Variants in STOML2 observed in about 807,000 individuals in gnomAD.
STOML2 encodes the protein stomatin-like protein 2, mitochondrial.
Under a neutral mutation model 45.7 loss-of-function variants are expected in STOML2, and 22 were observed. That is an observed-to-expected ratio of 0.48 (90% CI 0.34 to 0.69). The LOEUF (loss-of-function observed/expected upper bound fraction) is 0.69, where lower values mean the gene tolerates loss of function less well. Among genes scored for constraint, STOML2 ranks in the 30% least tolerant of loss-of-function variants. STOML2 has a pLI of 0.01. For missense variants in STOML2, 359 were observed against 466.9 expected (o/e 0.77, Z 2.13); for synonymous variants, 181 against 182.7 (o/e 0.99, Z 0.08).
Position 35,102,043 on chromosome 9 carries a change from G to A in STOML2, c.283+52C>T. The stretch of plus-strand genomic sequence containing the variant: ...CTTTCTACTAAGCTCTGGATCTACA[G>A]CAACCACATCCTAATAGCCTCAGAG... On this transcript the variant is annotated intron_variant, in intron 3 of 9. Transcript: ENST00000356493. This position sits in a 1 kb window ranked among gnomAD's most constrained non-coding sequence, Gnocchi z 4.8. 2 of 1,612,396 alleles carry A rather than the reference G, an allele frequency of 1.2e-6. No individual in the cohort carries two copies. The highest frequency in any genetic ancestry group is 2.2e-5 in the East Asian group (1 of 44,864).
chr9:35,101,186 G>A lies in STOML2; in HGVS notation c.673C>T (p.Gln225Ter). The A allele has an allele frequency of 6.2e-7, 1 of 1,614,190 alleles. No homozygotes were observed. ...INVAEGKKQAQILASEAEKAE... is the reference protein window; with the variant it reads ...INVAEGKKQA ...TTTTCTGCTTCGGAGGCCAGGATCT[G>A]GGCCTGTTTCTTCCCTTCTGCCACA... The change falls in exon 7 of 10, where the codon CAG (glutamine) becomes TAG (stop). Residue 225 changes from glutamine (Q) to a stop codon, truncating the protein, a stop_gained. Transcript: ENST00000356493. LOFTEE classifies it high-confidence loss of function. This position sits in a 1 kb window ranked among gnomAD's most constrained non-coding sequence, Gnocchi z 4.3.
rs1044464699 is a variant in STOML2, at chr9:35,101,372, C to T, written c.579+54G>A. Reference sequence around the variant, plus strand: ...TCATAACAGGAGGGAAGTCTGGATCCTCCTGGTACTGGAGCACCCTGAGGC... The same window carrying T: ...TCATAACAGGAGGGAAGTCTGGATCTTCCTGGTACTGGAGCACCCTGAGGC... On this transcript the variant is annotated intron_variant, in intron 6 of 9. Coordinates refer to ENST00000356493, the MANE Select transcript of STOML2 (RefSeq NM_013442.3). The surrounding 1 kb of genome is among the most constrained non-coding windows in gnomAD (Gnocchi z 4.3). 7 of 1,563,414 alleles carry T rather than the reference C, an allele frequency of 4.5e-6. No individual in the cohort carries two copies. The highest frequency in any genetic ancestry group is 6.1e-6 in the Non-Finnish European group (7 of 1,154,040).
At position 35,103,111 on chromosome 9, in the gene STOML2, G is replaced by C. The variant is rs370750364; in HGVS notation, c.-17C>G. The C allele has an allele frequency of 2.5e-6, 4 of 1,612,562 alleles. No individual in the cohort carries two copies. The highest frequency in any genetic ancestry group is 4.5e-5 in the East Asian group (2 of 44,864). ...CGCCAGCATTTCCCACCGCCGCAGC[G>C]ACCTCCGGAACCAACGAGACGAGCG... On this transcript the variant is annotated 5_prime_UTR_variant, in exon 1 of 10. Coordinates refer to ENST00000356493, the MANE Select transcript of STOML2 (RefSeq NM_013442.3).
At position 35,102,705 on chromosome 9, in the gene STOML2, A is replaced by C. The variant is rs1455212823; in HGVS notation, c.164T>G (p.Phe55Cys). The C allele has an allele frequency of 6.2e-6, 10 of 1,612,954 alleles. No homozygotes were observed. The highest frequency in any genetic ancestry group is 8.5e-6 in the Non-Finnish European group (10 of 1,180,014). The change falls in exon 2 of 10, where the codon TTC (phenylalanine) becomes TGC (cysteine). Residue 55 changes from phenylalanine (F) to cysteine (C), a missense_variant. Physicochemically the swap from Phe to Cys is radical, Grantham distance 205 (BLOSUM62 -2). Transcript: ENST00000356493. The surrounding 1 kb of genome is among the most constrained non-coding windows in gnomAD (Gnocchi z 4.8). ...EAWVVERMGR[F>C]HRILEPGLNI... Reference sequence around the variant, plus strand: ...TCTCACAGGCTCCAGGATCCGGTGGAATCGGCCCATTCGCTCCACCACCCA... The same window carrying C: ...TCTCACAGGCTCCAGGATCCGGTGGCATCGGCCCATTCGCTCCACCACCCA...
Position 35,100,188 on chromosome 9 carries a change from G to C in STOML2, c.934-16C>G, listed in dbSNP as rs1458904804. 5 of 1,613,384 alleles carry C rather than the reference G, an allele frequency of 3.1e-6. No homozygotes were observed. Among genetic ancestry groups the C allele is most frequent in the Non-Finnish European group, 4.2e-6 (5 of 1,179,648 alleles). ...CACCCATGGCCTGAGGAGAGGAACA[G>C]AGAGAATACCATGAGGACACTTGAC... is the stretch of plus-strand genomic sequence containing the variant. On this transcript the variant is annotated splice_polypyrimidine_tract_variant and intron_variant, in intron 9 of 9. Coordinates refer to ENST00000356493, the MANE Select transcript of STOML2 (RefSeq NM_013442.3).
chr9:35,101,172 G>C lies in STOML2; in HGVS notation c.687C>G (p.Ser229=). ...TTATCTGTTCAGCCTTTTCTGCTTC[G>C]GAGGCCAGGATCTGGGCCTGTTTCT... ...EGKKQAQILA[S]EAEKAEQINQ... The change falls in exon 7 of 10, where the codon TCC becomes TCG. Residue 229 remains serine (S), a synonymous_variant. Transcript: ENST00000356493. The surrounding 1 kb of genome is among the most constrained non-coding windows in gnomAD (Gnocchi z 4.3). The C allele has an allele frequency of 5.0e-6, 8 of 1,614,162 alleles. No homozygotes were observed. The highest frequency in any genetic ancestry group is 6.8e-6 in the Non-Finnish European group (8 of 1,180,036).
chr9:35,102,689 C>G lies in STOML2; in HGVS notation c.180G>C (p.Glu60Asp). 1 of 1,612,564 alleles carries G rather than the reference C, an allele frequency of 6.2e-7. No individual in the cohort carries two copies. The highest frequency in any genetic ancestry group is 8.5e-7 in the Non-Finnish European group (1 of 1,180,014). The change falls in exon 2 of 10, where the codon GAG (glutamate) becomes GAC (aspartate). Residue 60 changes from glutamate to aspartate, a missense_variant. Glu to Asp is a conservative substitution (Grantham distance 45). Transcript: ENST00000356493. The surrounding 1 kb of genome is among the most constrained non-coding windows in gnomAD (Gnocchi z 4.8). ...ERMGRFHRILEPGLNILIPVL... is the reference protein window; with the variant it reads ...ERMGRFHRILDPGLNILIPVL... ...GTGGGCAGAAGAGGTTTCTCACAGG[C>G]TCCAGGATCCGGTGGAATCGGCCCA...
Position 35,102,362 on chromosome 9 carries a change from C to T in STOML2, c.184-168G>A, listed in dbSNP as rs936602622. The T allele has an allele frequency of 1.8e-5, 12 of 677,998 alleles. No homozygotes were observed. In the African/African-American group the frequency reaches 2.2e-4, roughly 12 times the overall value. The allele number at this position is 677,998 out of a possible 1,614,324, so 42.0% of individuals were successfully genotyped here. ...GCTGAGGTGTCACTGGTAAGAAAAC[C>T]CAAGAGAACAGGAATGCAAGACTAG... On this transcript the variant is annotated intron_variant, in intron 2 of 9. Transcript: ENST00000356493. The surrounding 1 kb of genome is among the most constrained non-coding windows in gnomAD (Gnocchi z 4.8).
Position 35,102,014 on chromosome 9 carries a change from A to G in STOML2, c.284-52T>C. On this transcript the variant is annotated intron_variant, in intron 3 of 9. Coordinates refer to ENST00000356493, the MANE Select transcript of STOML2 (RefSeq NM_013442.3). The surrounding 1 kb of genome is among the most constrained non-coding windows in gnomAD (Gnocchi z 4.8). The stretch of plus-strand genomic sequence containing the variant: ...AAAGTCAGGCCTCTAGGTCCCAACC[A>G]GTTCTTTCTACTAAGCTCTGGATCT... The G allele has an allele frequency of 6.2e-7, 1 of 1,613,380 alleles. No homozygotes were observed. Among genetic ancestry groups the G allele is most frequent in the Non-Finnish European group, 8.5e-7 (1 of 1,179,372 alleles).
rs773204475 is a variant in STOML2, at chr9:35,101,740, G to A, written c.414C>T (p.Leu138=). The part of the protein sequence containing the change: ...QLAQTTMRSE[L]GKLSLDKVFR... ...AGACTTTGTCCAGAGAGAGTTTGCC[G>A]AGCTCTGATCTCATGGTTGTTTGAG... The change falls in exon 5 of 10, where the codon CTC becomes CTT. Residue 138 remains leucine, a synonymous_variant. Transcript: ENST00000356493. The surrounding 1 kb of genome is among the most constrained non-coding windows in gnomAD (Gnocchi z 4.3). The A allele has an allele frequency of 1.4e-5, 22 of 1,614,008 alleles. No individual in the cohort carries two copies. Among genetic ancestry groups the A allele is most frequent in the Admixed American group, 5.0e-5 (3 of 60,000 alleles).
chr9:35,102,903 C>G lies in STOML2; in HGVS notation c.46-80G>C. The G allele has an allele frequency of 6.3e-7, 1 of 1,580,398 alleles. No individual in the cohort carries two copies. On this transcript the variant is annotated intron_variant, in intron 1 of 9. Transcript: ENST00000356493. This position sits in a 1 kb window ranked among gnomAD's most constrained non-coding sequence, Gnocchi z 4.8. ...TCGGTCCTGAAGGCATCTCCATAAA[C>G]CACGACCCTCAGGATCCTCGGAGAA... is the stretch of plus-strand genomic sequence containing the variant.
rs1829786300 is a variant in STOML2, at chr9:35,100,113, G to A, written c.993C>T (p.Leu331=). ...KAPVPGTPDS[L]SSGSSRDVQG... is the part of the protein sequence containing the mutation. ...GGACATCTCTGCTGCTCCCACTGGA[G>A]AGTGAGTCTGGAGTCCCTGGCACTG... Residue 331 remains leucine (L), a synonymous_variant, in exon 10 of 10, where the codon CTC becomes CTT. Transcript: ENST00000356493. 1 of 1,614,174 alleles carries A rather than the reference G, an allele frequency of 6.2e-7. No individual in the cohort carries two copies. The highest frequency in any genetic ancestry group is 2.2e-5 in the East Asian group (1 of 44,890).
chr9:35,100,572 A>G (rs586017), intron 9 of STOML2, 26 bp downstream of exon 9: 1,253,160 of 1,612,316 alleles, frequency 0.78, 490,265 homozygotes, highest in Admixed American at 0.83. Context: ...CCAGTGCTCT[A>G]TGCTGGGTCC....
rs200065914 is a variant in STOML2, at chr9:35,102,068, G to A, written c.283+27C>T. On this transcript the variant is annotated intron_variant, in intron 3 of 9. Coordinates refer to ENST00000356493, the MANE Select transcript of STOML2 (RefSeq NM_013442.3). The surrounding 1 kb of genome is among the most constrained non-coding windows in gnomAD (Gnocchi z 4.8). ...GCAACCACATCCTAATAGCCTCAGA[G>A]CACCCATGTCACCCTGAACCCCTCA... The A allele has an allele frequency of 1.9e-6, 3 of 1,613,120 alleles. No homozygotes were observed. The highest frequency in any genetic ancestry group is 1.3e-5 in the African/African-American group (1 of 74,948).
Position 35,103,087 on chromosome 9 carries a change from G to A in STOML2, c.8C>T (p.Ala3Val), listed in dbSNP as rs752036887. Residue 3 changes from alanine to valine, a missense_variant, in exon 1 of 10, where the codon GCG becomes GTG. Physicochemically the swap from Ala to Val is moderately conservative, Grantham distance 64. Coordinates refer to ENST00000356493, the MANE Select transcript of STOML2 (RefSeq NM_013442.3). ...GGCCCCAGTGCCCCGCGCCGCGCGC[G>A]CCAGCATTTCCCACCGCCGCAGCGA... Reference protein sequence around the residue: MLARAARGTGALL... With the variant: MLVRAARGTGALL... 1.2e-6 allele frequency: 2 copies of A among 1,613,650 alleles called. No individual in the cohort carries two copies. Among genetic ancestry groups the A allele is most frequent in the Non-Finnish European group, 1.7e-6 (2 of 1,179,936 alleles).
rs749670241 is a variant in STOML2 at position 35,102,665 on chromosome 9, T to C, written c.183+21A>G. The C allele has an allele frequency of 1.2e-6, 2 of 1,611,210 alleles. No homozygotes were observed. Among genetic ancestry groups the C allele is most frequent in the Non-Finnish European group, 1.7e-6 (2 of 1,179,608 alleles). ...GATTGGTCATCTGGCTGGCCCAGGGTGGGCAGAAGAGGTTTCTCACAGGCT... is the reference window on the plus strand; with the variant it reads ...GATTGGTCATCTGGCTGGCCCAGGGCGGGCAGAAGAGGTTTCTCACAGGCT... On this transcript the variant is annotated intron_variant, in intron 2 of 9. Coordinates refer to ENST00000356493, the MANE Select transcript of STOML2 (RefSeq NM_013442.3). This position sits in a 1 kb window ranked among gnomAD's most constrained non-coding sequence, Gnocchi z 4.8.
Position 35,100,005 on chromosome 9 carries a change from T to C in STOML2, c.*30A>G, listed in dbSNP as rs664357. 1,597,983 of 1,603,282 alleles carry C rather than the reference T, an allele frequency of 1. 796,447 individuals carry two copies. The highest frequency in any genetic ancestry group is 1 in the East Asian group (44,693 of 44,694). On this transcript the variant is annotated 3_prime_UTR_variant, in exon 10 of 10. Transcript: ENST00000356493. ...GAATCAGGAAAATCTGCTTCCTTGT[T>C]CCCAGACTCCCTGGCCAAGCCCAGC...
At chr9:35,103,193 G>A, upstream of STOML2, 1 of 1,443,130 alleles carries the variant, frequency 6.9e-7, no homozygotes, top group Non-Finnish European at 9.4e-7. Flanking sequence ...CCGCTCCCCC[G>A]GATGTACTTC....
Position 35,101,204 on chromosome 9 carries a change from C to G in STOML2, c.655G>C (p.Glu219Gln). Reference sequence around the variant, plus strand: ...AGGATCTGGGCCTGTTTCTTCCCTTCTGCCACATTGATGGCCGACTCTCGG... The same window carrying G: ...AGGATCTGGGCCTGTTTCTTCCCTTGTGCCACATTGATGGCCGACTCTCGG... ...GTRESAINVA[E>Q]GKKQAQILAS... The change falls in exon 7 of 10, where the codon GAA becomes CAA. Residue 219 changes from glutamate (E) to glutamine (Q), a missense_variant. Coordinates refer to ENST00000356493, the MANE Select transcript of STOML2 (RefSeq NM_013442.3). The surrounding 1 kb of genome is among the most constrained non-coding windows in gnomAD (Gnocchi z 4.3). The G allele has an allele frequency of 6.2e-7, 1 of 1,614,260 alleles. No individual in the cohort carries two copies. The highest frequency in any genetic ancestry group is 1.7e-5 in the Admixed American group (1 of 60,038).
Sources: gnomAD v4.1 joint callset for allele counts on GRCh38, gnomAD v4.1.1 for gene constraint, Gnocchi (gnomAD v3.1) non-coding constraint, MANE v1.5 for transcripts, NCBI Gene and HGNC (gene_info 2026-07-23, HGNC 2026-07-21) for gene names.